TEX9: variants seen among roughly 807,000 people sequenced by gnomAD.
TEX9 encodes testis expressed 9, also known as testis-expressed protein 9.
A neutral mutation model predicts 59.6 loss-of-function variants in TEX9; 74 were observed. The ratio of observed to expected loss-of-function variants is 1.24; its 90% CI spans 1.03 to 1.51. The LOEUF is 1.51. Ranked by LOEUF, TEX9 falls within the 40% of genes most tolerant of loss-of-function variation. The probability of loss-of-function intolerance (pLI) is 0.00; values close to 1 mark genes in which losing one functional copy is unlikely to be tolerated. For missense variants in TEX9, 522 were observed against 447.8 expected, an observed-to-expected ratio of 1.17 and a Z score of -1.49; for synonymous variants, 186 against 152.2, an observed-to-expected ratio of 1.22 and a Z score of -1.64.
intron 1 of TEX9, among the ~76,000 whole-genome samples, chr15:56,254,226 A>C (rs1314801736): frequency 6.6e-6 from 1 of 152,050 alleles, no homozygotes; most frequent in East Asian, 1.9e-4. Context: ...ACTTTAGAAA[A>C]ACATACTAGA....
At position 56,394,847 on chromosome 15, in the gene TEX9, T is replaced by C. The variant is rs2048382910; in HGVS notation, c.828+13T>C. ...TTCAGTAGAAAGGGTAATTATTTGG[T>C]ATTTTTCCTAACTTAATGCCACAGA... On this transcript the variant is annotated intron_variant, in intron 9 of 12. Coordinates refer to ENST00000352903, the Ensembl canonical transcript of TEX9. 6.3e-7 allele frequency: 1 copy of C among 1,599,160 alleles called. No homozygotes were observed. The highest frequency in any genetic ancestry group is 1.4e-5 in the African/African-American group (1 of 73,870).
At chr15:56,256,617 A>G (rs2044150780) in intron 1 of TEX9, among the ~76,000 whole-genome samples, 1 of 151,830 alleles carries the variant, frequency 6.6e-6, no homozygotes, top group South Asian at 2.1e-4. Context: ...GAAAAGAACC[A>G]AAAATGTCAA....
At chr15:56,434,785 G>C (rs1468493225) in intron 12 of TEX9, among the ~76,000 whole-genome samples, 1 of 151,950 alleles carries the variant, frequency 6.6e-6, no homozygotes, top group Non-Finnish European at 1.5e-5. Flanking sequence ...CCACCCATAA[G>C]TATTTTTCAG....
chr15:56,277,128 G>T (rs957801786), intron 1 of TEX9, among the ~76,000 whole-genome samples: 1 of 151,912 alleles, frequency 6.6e-6, no homozygotes, highest in Non-Finnish European at 1.5e-5. Context: ...TGCCTGTTCA[G>T]TCTGATGATA....
chr15:56,321,433 G>A (rs776773234), intron 1 of TEX9, among the ~76,000 whole-genome samples: 1 of 152,202 alleles, frequency 6.6e-6, no homozygotes, highest in Non-Finnish European at 1.5e-5. Context: ...CATCATTAGA[G>A]TAACCTTCAG....
chr15:56,432,772 A>G, intron 12 of TEX9, among the ~76,000 whole-genome samples: 1 of 152,202 alleles, frequency 6.6e-6, no homozygotes, highest in East Asian at 1.9e-4. Context: ...GATGAGCTCC[A>G]ATCTGAAATA....
intron 10 of TEX9, among the ~76,000 whole-genome samples, chr15:56,418,650 C>CA (rs1162218943): frequency 4.0e-5 from 6 of 149,174 alleles, no homozygotes; most frequent in South Asian, 2.1e-4. Flanking sequence ...GACTCTGTCT[C>CA]AAAAAAAACC....
intron 3 of TEX9, among the ~76,000 whole-genome samples, chr15:56,380,914 A>G (rs1172410300): frequency 6.6e-6 from 1 of 152,102 alleles, no homozygotes; most frequent in Non-Finnish European, 1.5e-5. Context: ...TTTGGGTTAA[A>G]TCTGCTTGGT....
intron 12 of TEX9, among the ~76,000 whole-genome samples, chr15:56,431,728 A>G (rs1489465678): frequency 6.6e-6 from 1 of 152,036 alleles, no homozygotes. Flanking sequence ...GAGGCAAACA[A>G]ATATTTTCAG....
At chr15:56,281,290 G>A (rs1178800164) in intron 1 of TEX9, among the ~76,000 whole-genome samples, 4 of 152,160 alleles carry the variant, frequency 2.6e-5, no homozygotes, top group African/African-American at 9.7e-5. Context: ...TTAAGTCAGG[G>A]GTCCCTAACC....
intron 1 of TEX9, among the ~76,000 whole-genome samples, chr15:56,299,086 C>T (rs2045281911): frequency 6.6e-6 from 1 of 152,170 alleles, no homozygotes. Context: ...ATCACAGTAC[C>T]TGGTTTTAAC....
At chr15:56,346,538 G>T (rs1288729783) in intron 1 of TEX9, among the ~76,000 whole-genome samples, 11 of 152,158 alleles carry the variant, frequency 7.2e-5, no homozygotes, top group African/African-American at 2.2e-4. Context: ...CTGATATCCT[G>T]TCCAAAGTCT....
chr15:56,271,981 C>G (rs901214752), intron 1 of TEX9, among the ~76,000 whole-genome samples: 2 of 151,828 alleles, frequency 1.3e-5, no homozygotes, highest in Non-Finnish European at 2.9e-5. Flanking sequence ...CTACTAAAAA[C>G]TACAAAAACA....
chr15:56,447,047 T>C (rs2050910632), downstream of TEX9: 1 of 730,128 alleles, frequency 1.4e-6, no homozygotes, highest in Non-Finnish European at 2.3e-6. Flanking sequence ...AAAGAGGGAA[T>C]ACAGCGGGTA....
At chr15:56,290,603 C>G (rs2141500340) in intron 1 of TEX9, among the ~76,000 whole-genome samples, 1 of 152,134 alleles carries the variant, frequency 6.6e-6, no homozygotes, top group South Asian at 2.1e-4. Context: ...AGGCATGCAC[C>G]ACAATCAATA....
chr15:56,428,344 A>C, intron 11 of TEX9, 23 bp from the exon 12 acceptor site: 2 of 1,576,930 alleles, frequency 1.3e-6, no homozygotes, highest in Non-Finnish European at 1.7e-6. Context: ...TAAATCAGAC[A>C]ATATTGATTT....
chr15:56,361,298 C>T (rs2046784500), upstream of TEX9, among the ~76,000 whole-genome samples: 1 of 152,124 alleles, frequency 6.6e-6, no homozygotes, highest in Admixed American at 6.5e-5. Context: ...GGTAGACATT[C>T]AGAGTTTAGA....
chr15:56,300,126 A>G (rs2045308978), intron 1 of TEX9, among the ~76,000 whole-genome samples: 1 of 152,138 alleles, frequency 6.6e-6, no homozygotes, highest in African/African-American at 2.4e-5. Context: ...GCCCTGGACC[A>G]GAAGGGAGCC....
intron 1 of TEX9, among the ~76,000 whole-genome samples, chr15:56,272,843 C>T (rs1409632599): frequency 6.6e-6 from 1 of 152,104 alleles, no homozygotes; most frequent in East Asian, 1.9e-4. Flanking sequence ...TGCTAGTTGT[C>T]TGCTATTTAT....
Sources: gnomAD v4.1 joint callset for allele counts (sites outside exome capture counted in the v4.1 genomes callset) on GRCh38, gnomAD v4.1.1 for gene constraint, MANE v1.5 for transcripts, NCBI Gene and HGNC (gene_info 2026-07-23, HGNC 2026-07-21) for gene names.